GPHN: variants seen among roughly 807,000 people sequenced by gnomAD.
The protein encoded by GPHN is gephyrin.
In GPHN, 17 loss-of-function variants were observed where a neutral mutation model predicts 95.5. The ratio of observed to expected loss-of-function variants is 0.18; its 90% CI spans 0.12 to 0.27. GPHN has a LOEUF of 0.27. GPHN is among the 10% of genes least tolerant of loss of function. GPHN has a pLI of 1.00. For synonymous variants in GPHN, 320 were observed against 322.5 expected (o/e 0.99, Z 0.08); for missense variants, 660 against 978.1 (o/e 0.67, Z 4.34).
chr14:66,938,602 T>A (rs1434627543), intron 8 of GPHN, among the ~76,000 whole-genome samples: 1 of 152,126 alleles, frequency 6.6e-6, no homozygotes, highest in African/African-American at 2.4e-5. Context: ...CCAAAAGTTG[T>A]CCAAGCAGAA....
the GPHN span, chr14:67,302,140 T>C: frequency 6.4e-7 from 1 of 1,571,950 alleles, no homozygotes; most frequent in Non-Finnish European, 8.6e-7. Flanking sequence ...ACATACTGTT[T>C]TTAAACAAGT....
chr14:66,960,866 A>G (rs1298238090), intron 8 of GPHN, among the ~76,000 whole-genome samples: 2 of 152,118 alleles, frequency 1.3e-5, no homozygotes, highest in Non-Finnish European at 2.9e-5. Context: ...CTTATGCCTT[A>G]AAGTACCTCA....
At chr14:67,473,902 T>A in the GPHN span, 1 of 1,607,026 alleles carries the variant, frequency 6.2e-7, no homozygotes, top group Non-Finnish European at 8.5e-7. This position sits in a 1 kb window ranked among gnomAD's most constrained non-coding sequence, Gnocchi z 6.5. Context: ...GACAGCGCCG[T>A]CAGGGGCTCG....
the GPHN span, among the ~76,000 whole-genome samples, chr14:67,683,482 G>A: frequency 6.6e-6 from 1 of 152,158 alleles, no homozygotes; most frequent in Non-Finnish European, 1.5e-5. Context: ...GTGGACAACT[G>A]TTACTCTTTG....
chr14:67,573,414 G>A, the GPHN span: 3 of 1,306,694 alleles, frequency 2.3e-6, no homozygotes, highest in Admixed American at 3.4e-5. The surrounding 1 kb of genome is among the most constrained non-coding windows in gnomAD (Gnocchi z 4.8). Context: ...CAGCACTGCA[G>A]TCAAAAGGTC....
At chr14:66,714,410 GT>G (rs1179788058) in intron 2 of GPHN, among the ~76,000 whole-genome samples, 2 of 152,128 alleles carry the variant, frequency 1.3e-5, no homozygotes, top group Admixed American at 6.5e-5. Context: ...AGTCTTTAGG[GT>G]TTTTGAGGTA....
At chr14:67,211,894 CAGTTTCTGTAG>C in the GPHN span, among the ~76,000 whole-genome samples, 1 of 152,126 alleles carries the variant, frequency 6.6e-6, no homozygotes, top group African/African-American at 2.4e-5. Flanking sequence ...AAAACAGAAC[CAGTTTCTGTAG>C]GTTCTGTACA....
intron 9 of GPHN, among the ~76,000 whole-genome samples, chr14:67,004,743 C>G (rs950415731): frequency 6.6e-6 from 1 of 151,728 alleles, no homozygotes; most frequent in African/African-American, 2.4e-5. Context: ...GTTTTTGGAA[C>G]CTTATTACAT....
the GPHN span, among the ~76,000 whole-genome samples, chr14:67,591,375 C>A: frequency 6.6e-6 from 1 of 152,138 alleles, no homozygotes; most frequent in African/African-American, 2.4e-5. Flanking sequence ...TAAAACTATT[C>A]ATAAGCTTTA....
intron 5 of GPHN, among the ~76,000 whole-genome samples, chr14:66,884,578 G>GT (rs33920320): frequency 6.0e-5 from 9 of 150,310 alleles, no homozygotes; most frequent in East Asian, 2.0e-4. Flanking sequence ...TTCCCTACTT[G>GT]TTTTTTTTTA....
At chr14:67,186,989 A>G in the GPHN span, among the ~76,000 whole-genome samples, 1 of 152,180 alleles carries the variant, frequency 6.6e-6, no homozygotes, top group African/African-American at 2.4e-5. Context: ...AGCATTTCAG[A>G]CAGGAAACGG....
chr14:67,038,130 A>C (rs1026289801), intron 10 of GPHN, among the ~76,000 whole-genome samples: 1 of 152,128 alleles, frequency 6.6e-6, no homozygotes, highest in Non-Finnish European at 1.5e-5. Context: ...CCTCCAAAAA[A>C]TAAGGAAATC....
At chr14:67,175,016 A>G (rs2082848066) in intron 21 of GPHN, among the ~76,000 whole-genome samples, 1 of 152,038 alleles carries the variant, frequency 6.6e-6, no homozygotes, top group Admixed American at 6.5e-5. Flanking sequence ...AATTTTTTCC[A>G]TTCTGTAGGT....
At chr14:67,585,969 C>T in the GPHN span, 1 of 1,613,394 alleles carries the variant, frequency 6.2e-7, no homozygotes. Context: ...CATCACTTAC[C>T]CCTACTCTTC....
chr14:66,537,329 T>A (rs970951982), intron 1 of GPHN, among the ~76,000 whole-genome samples: 1 of 152,200 alleles, frequency 6.6e-6, no homozygotes, highest in Non-Finnish European at 1.5e-5. Context: ...TAAATTTCTT[T>A]CCTGCCTGTA....
chr14:67,165,310 A>C (rs2082210630), intron 20 of GPHN, 84 bp downstream of exon 20: 1 of 836,622 alleles, frequency 1.2e-6, no homozygotes, highest in South Asian at 1.4e-5. Flanking sequence ...ACCTGGTTTG[A>C]AATCTGAAAG....
the GPHN span, among the ~76,000 whole-genome samples, chr14:67,516,784 C>T: frequency 6.6e-6 from 1 of 152,178 alleles, no homozygotes; most frequent in African/African-American, 2.4e-5. Flanking sequence ...CTGGGCTGGT[C>T]AAGCCATTTT....
the GPHN span, chr14:67,541,893 C>T: frequency 2.8e-5 from 45 of 1,602,330 alleles, no homozygotes; most frequent in Non-Finnish European, 3.8e-5. Flanking sequence ...GTGGAGGCGC[C>T]GGCCAGCGTA....
chr14:66,912,382 A>G (rs1483381564), intron 5 of GPHN, among the ~76,000 whole-genome samples: 1 of 151,990 alleles, frequency 6.6e-6, no homozygotes, highest in East Asian at 1.9e-4. Flanking sequence ...TCCTTACCTA[A>G]GACTAAAATG....
Sources: gnomAD v4.1 joint callset for allele counts (sites outside exome capture counted in the v4.1 genomes callset) on GRCh38, gnomAD v4.1.1 for gene constraint, Gnocchi (gnomAD v3.1) non-coding constraint, MANE v1.5 for transcripts, NCBI Gene and HGNC (gene_info 2026-07-23, HGNC 2026-07-21) for gene names.